The following STEAP1B variants were observed in gnomAD, a reference collection of about 807,000 sequenced individuals.
STEAP1B encodes the protein STEAP family protein MGC87042.
Under a neutral mutation model 27.9 loss-of-function variants are expected in STEAP1B, and 13 were observed. The ratio of observed to expected loss-of-function variants is 0.47; its 90% CI spans 0.30 to 0.74. STEAP1B has a LOEUF of 0.74. STEAP1B is among the 30% of genes least tolerant of loss of function. STEAP1B has a pLI of 0.06. For synonymous variants in STEAP1B, 86 were observed against 107.1 expected (o/e 0.80, Z 1.22); for missense variants, 250 against 298.7 (o/e 0.84, Z 1.20).
At chr7:22,472,753 T>C (rs1437265824) in intron 4 of STEAP1B, among the ~76,000 whole-genome samples, 1 of 152,148 alleles carries the variant, frequency 6.6e-6, no homozygotes, top group Non-Finnish European at 1.5e-5. Flanking sequence ...AGCAGAAACA[T>C]TTCACACATG....
chr7:22,468,107 T>C (rs1056617446), intron 4 of STEAP1B, among the ~76,000 whole-genome samples: 1 of 152,194 alleles, frequency 6.6e-6, no homozygotes, highest in African/African-American at 2.4e-5. Context: ...TTCTGTATTT[T>C]TATTTGCTAA....
At position 22,493,401 on chromosome 7, in the gene STEAP1B, G is replaced by C; in HGVS notation, c.520C>G (p.Leu174Val). Residue 174 changes from leucine (L) to valine (V), a missense_variant, in exon 3 of 5, where the codon CTG becomes GTG. Physicochemically the swap from Leu to Val is conservative, Grantham distance 32 (BLOSUM62 1). Transcript: ENST00000678116. The stretch of plus-strand genomic sequence containing the variant: ...TAAGACAGAGTATAAATTGCATGCA[G>C]TACAGCAAAAAACAAACTGAGAAGC... ...FGLLSLFFAVLHAIYTLSYAM... is the reference protein window; with the variant it reads ...FGLLSLFFAVVHAIYTLSYAM... 6.2e-7 allele frequency: 1 copy of C among 1,614,164 alleles called. No individual in the cohort carries two copies. Among genetic ancestry groups the C allele is most frequent in the Non-Finnish European group, 8.5e-7 (1 of 1,180,008 alleles).
chr7:22,432,952 G>A (rs1456950641), intron 4 of STEAP1B, among the ~76,000 whole-genome samples: 2 of 152,176 alleles, frequency 1.3e-5, no homozygotes, highest in Non-Finnish European at 2.9e-5. Flanking sequence ...GTTGCTTCAT[G>A]AGCTCAACCT....
intron 4 of STEAP1B, among the ~76,000 whole-genome samples, chr7:22,454,863 ATAT>A (rs1282481635): frequency 0.06 from 4,465 of 75,024 alleles, 226 homozygotes; most frequent in African/African-American, 0.2. Context: ...ATATATATAT[ATAT>A]TTTTTTTTTT....
At chr7:22,428,988 C>T (rs1289040107) in intron 4 of STEAP1B, among the ~76,000 whole-genome samples, 1 of 152,090 alleles carries the variant, frequency 6.6e-6, no homozygotes, top group Admixed American at 6.5e-5. Flanking sequence ...CAGTCTGAAC[C>T]TACTGAATTG....
rs557139904 is a variant in STEAP1B at position 22,424,089 on chromosome 7, A to C, written c.763-4253T>G. The stretch of plus-strand genomic sequence containing the variant: ...GGTATGCAAGTTATACCTAAATAAC[A>C]TTGTTAAAAATAAGTACTAATACCT... On this transcript the variant is annotated intron_variant, in intron 4 of 4. Transcript: ENST00000678116. Among the ~76,000 whole-genome samples the C allele has an allele frequency of 3.0e-3, 460 of 152,302 alleles. 3 individuals are homozygous for C. The highest frequency in any genetic ancestry group is 0.011 in the African/African-American group (442 of 41,562).
intron 4 of STEAP1B, among the ~76,000 whole-genome samples, chr7:22,470,421 T>C (rs143235765): frequency 0.011 from 1,640 of 152,036 alleles, 20 homozygotes; most frequent in Middle Eastern, 0.041. Flanking sequence ...TGAGGGAGAA[T>C]TGACAAGTCT....
At chr7:22,471,189 C>G (rs578083768) in intron 4 of STEAP1B, among the ~76,000 whole-genome samples, 1 of 152,340 alleles carries the variant, frequency 6.6e-6, no homozygotes, top group South Asian at 2.1e-4. Flanking sequence ...ACTGTACTGA[C>G]TCTTTCTAAG....
chr7:22,493,540 T>G lies in STEAP1B; in HGVS notation c.381A>C (p.Ala127=). 6.2e-7 allele frequency: 1 copy of G among 1,613,916 alleles called. No individual in the cohort carries two copies. Among genetic ancestry groups the G allele is most frequent in the Admixed American group, 1.7e-5 (1 of 60,016 alleles). The change falls in exon 3 of 5, where the codon GCA becomes GCC. Residue 127 remains alanine (A), a synonymous_variant. Coordinates refer to ENST00000678116, the MANE Select transcript of STEAP1B (RefSeq NM_001382447.1). ...VLPMVSITLL[A]LVYLPGVIAA... is the part of the protein sequence containing the mutation. ...CTATCACACCTGGTAGGTAAACCAA[T>G]GCCAAGAGAGTGATGGAAACCATTG... is the stretch of plus-strand genomic sequence containing the variant.
rs777068199 is a variant in STEAP1B, at chr7:22,493,579, G to C, written c.342C>G (p.Ile114Met). 6 of 1,613,950 alleles carry C rather than the reference G, an allele frequency of 3.7e-6. No individual in the cohort carries two copies. Among genetic ancestry groups the C allele is most frequent in the Non-Finnish European group, 5.1e-6 (6 of 1,179,864 alleles). The change falls in exon 3 of 5, where the codon ATC becomes ATG. Residue 114 changes from isoleucine (I) to methionine (M), a missense_variant. Coordinates refer to ENST00000678116, the MANE Select transcript of STEAP1B (RefSeq NM_001382447.1). ...QYFYKIPILV[I>M]NKVLPMVSIT... is the part of the protein sequence containing the mutation. ...TGGAAACCATTGGCAAGACTTTGTT[G>C]ATGACCAGGATTGGAATTTTATAAA...
chr7:22,440,816 C>T (rs1785321847), intron 4 of STEAP1B, among the ~76,000 whole-genome samples: 1 of 151,820 alleles, frequency 6.6e-6, no homozygotes, highest in Non-Finnish European at 1.5e-5. Context: ...TGACATACTG[C>T]ATTACAGGTA....
intron 4 of STEAP1B, among the ~76,000 whole-genome samples, chr7:22,423,900 G>A (rs1446282549): frequency 1.3e-5 from 2 of 152,128 alleles, no homozygotes; most frequent in East Asian, 1.9e-4. Flanking sequence ...GTGGTGGCAC[G>A]CACCTGTAGT....
At chr7:22,479,654 G>A (rs1370962465) in intron 4 of STEAP1B, among the ~76,000 whole-genome samples, 2 of 143,408 alleles carry the variant, frequency 1.4e-5, no homozygotes, top group African/African-American at 5.2e-5. Flanking sequence ...CGTTGTGCAA[G>A]ACAGTAGCCA....
chr7:22,481,684 G>C (rs10224370), intron 4 of STEAP1B, among the ~76,000 whole-genome samples: 18,417 of 152,168 alleles, frequency 0.12, 1,176 homozygotes, highest in Admixed American at 0.16. Flanking sequence ...CTCACGTAAC[G>C]GTCTACTTTA....
At position 22,485,169 on chromosome 7, in the gene STEAP1B, C is replaced by T. The variant is rs569870839; in HGVS notation, c.762+7396G>A. Reference sequence around the variant, plus strand: ...GATTCCAATTCTTAAAGAAATTCTACTGTGGGTAAAATGCCATCAAACAGC... The same window carrying T: ...GATTCCAATTCTTAAAGAAATTCTATTGTGGGTAAAATGCCATCAAACAGC... On this transcript the variant is annotated intron_variant, in intron 4 of 4. Transcript: ENST00000678116. Among the ~76,000 whole-genome samples, 4 of 152,350 alleles carry T rather than the reference C, an allele frequency of 2.6e-5. No individual in the cohort carries two copies. In the South Asian group the frequency reaches 8.3e-4, roughly 32 times the overall value.
chr7:22,478,296 A>C (rs886435623), intron 4 of STEAP1B, among the ~76,000 whole-genome samples: 3 of 152,214 alleles, frequency 2.0e-5, no homozygotes, highest in Non-Finnish European at 2.9e-5. Flanking sequence ...GAGATGCCCA[A>C]ATCTCTCTGG....
intron 4 of STEAP1B, among the ~76,000 whole-genome samples, chr7:22,462,135 G>T (rs117962939): frequency 0.01 from 1,578 of 152,178 alleles, 13 homozygotes; most frequent in Middle Eastern, 0.017. Flanking sequence ...AAAAAGAAAT[G>T]AGTTTTGATG....
chr7:22,469,770 AC>A (rs1785848624), intron 4 of STEAP1B, among the ~76,000 whole-genome samples: 1 of 152,228 alleles, frequency 6.6e-6, no homozygotes, highest in Non-Finnish European at 1.5e-5. Context: ...ACAATGAAAA[AC>A]ATCTAACGAC....
intron 4 of STEAP1B, among the ~76,000 whole-genome samples, chr7:22,462,680 C>T (rs942746672): frequency 6.7e-5 from 10 of 148,616 alleles, no homozygotes; most frequent in African/African-American, 2.2e-4. Flanking sequence ...TGAATAATGC[C>T]GCAATAAACA....
Sources: gnomAD v4.1 joint callset for allele counts (sites outside exome capture counted in the v4.1 genomes callset) on GRCh38, gnomAD v4.1.1 for gene constraint, MANE v1.5 for transcripts, NCBI Gene and HGNC (gene_info 2026-07-23, HGNC 2026-07-21) for gene names.